NCK2: variants seen among roughly 807,000 people sequenced by gnomAD.
NCK2 encodes NCK adaptor protein 2.
In NCK2, 16 loss-of-function variants were observed where a neutral mutation model predicts 33.9. The ratio of observed to expected loss-of-function variants is 0.47; its 90% CI spans 0.32 to 0.72. The LOEUF (loss-of-function observed/expected upper bound fraction) is 0.72, where lower values mean the gene tolerates loss of function less well. NCK2 is among the 30% of genes least tolerant of loss of function. The pLI is 0.03. For missense variants in NCK2, 418 were observed against 537.3 expected, an observed-to-expected ratio of 0.78 and a Z score of 2.19; for synonymous variants, 273 against 239.9, an observed-to-expected ratio of 1.14 and a Z score of -1.27.
At chr2:105,823,900 T>A (rs1432426074) in intron 2 of NCK2, among the ~76,000 whole-genome samples, 2 of 152,158 alleles carry the variant, frequency 1.3e-5, no homozygotes, top group East Asian at 3.9e-4. Context: ...AAACGCCTTG[T>A]TCCGTGACCT....
At chr2:105,838,436 G>T (rs1370376026) in intron 2 of NCK2, among the ~76,000 whole-genome samples, 1 of 151,822 alleles carries the variant, frequency 6.6e-6, no homozygotes, top group South Asian at 2.1e-4. Context: ...AGAATTGGAA[G>T]ATTCACTCTT....
At chr2:105,865,589 G>C (rs912357779) in intron 3 of NCK2, among the ~76,000 whole-genome samples, 1 of 152,164 alleles carries the variant, frequency 6.6e-6, no homozygotes, top group Non-Finnish European at 1.5e-5. Context: ...GTTCTGCCTG[G>C]ACCCTAGGGA....
chr2:105,885,326 A>C (rs1380697982), intron 4 of NCK2, among the ~76,000 whole-genome samples: 1 of 152,070 alleles, frequency 6.6e-6, no homozygotes, highest in Non-Finnish European at 1.5e-5. Flanking sequence ...GTAGAGAAAA[A>C]CTGTCTCGCT....
chr2:105,748,440 A>G (rs1160488002), intron 1 of NCK2, among the ~76,000 whole-genome samples: 1 of 152,080 alleles, frequency 6.6e-6, no homozygotes, highest in African/African-American at 2.4e-5. Flanking sequence ...GCTGGAGTAC[A>G]GTAGCATGAT....
rs553404422 is a variant in NCK2, at chr2:105,870,418, C to T, written c.227-10910C>T. 2.1e-4 allele frequency among the ~76,000 whole-genome samples: 32 copies of T among 152,254 alleles called. No individual in the cohort carries two copies. In the South Asian group the frequency reaches 6.0e-3, roughly 29 times the overall value. On this transcript the variant is annotated intron_variant, in intron 3 of 4. Transcript: ENST00000233154. ...TCCTGAACTTGGGGATTTTGAATGGCGCACAGTAGAATGTTTCATTATGGG... is the reference window on the plus strand; with the variant it reads ...TCCTGAACTTGGGGATTTTGAATGGTGCACAGTAGAATGTTTCATTATGGG...
In NCK2 at chr2:105,881,750, G is replaced by C; in HGVS notation, c.649G>C (p.Glu217Gln). Residue 217 changes from glutamate (E) to glutamine (Q), a missense_variant, in exon 4 of 5, where the codon GAG (glutamate) becomes CAG (glutamine). By Grantham distance (29) the Glu-to-Gln change is conservative. Transcript: ENST00000233154. ...SSVTEEELNF[E>Q]KGETMEVIEK... Reference sequence around the variant, plus strand: ...AGTCACCGAGGAGGAGCTCAACTTCGAGAAGGGGGAGACCATGGAGGTGAT... The same window carrying C: ...AGTCACCGAGGAGGAGCTCAACTTCCAGAAGGGGGAGACCATGGAGGTGAT... 1 of 1,614,232 alleles carries C rather than the reference G, an allele frequency of 6.2e-7. No individual in the cohort carries two copies. The highest frequency in any genetic ancestry group is 8.5e-7 in the Non-Finnish European group (1 of 1,180,034).
chr2:105,756,841 G>T (rs1689611683), intron 1 of NCK2, among the ~76,000 whole-genome samples: 1 of 152,164 alleles, frequency 6.6e-6, no homozygotes, highest in Non-Finnish European at 1.5e-5. Flanking sequence ...TTTCGCTCTT[G>T]TCACCCAGGC....
intron 1 of NCK2, among the ~76,000 whole-genome samples, chr2:105,780,322 A>G (rs888949127): frequency 1.3e-4 from 14 of 105,132 alleles, no homozygotes; most frequent in East Asian, 8.2e-4. Context: ...GGAGAGAGAT[A>G]TATACACACA....
At chr2:105,872,833 G>A (rs1213154007) in intron 3 of NCK2, among the ~76,000 whole-genome samples, 5 of 152,350 alleles carry the variant, frequency 3.3e-5, no homozygotes, top group Admixed American at 6.5e-5. Flanking sequence ...AGTCAGAAAT[G>A]ATTCGGAGAA....
chr2:105,765,638 A>G (rs970621651), intron 1 of NCK2, among the ~76,000 whole-genome samples: 2 of 151,070 alleles, frequency 1.3e-5, no homozygotes, highest in Non-Finnish European at 3.0e-5. Context: ...TCGCTGGCTA[A>G]AACAGAGACA....
In NCK2 at chr2:105,799,318, T is replaced by A. The variant is rs140308288; in HGVS notation, c.-200-17112T>A. Among the ~76,000 whole-genome samples the A allele has an allele frequency of 5.8e-3, 876 of 152,334 alleles. 5 individuals are homozygous for A. Among genetic ancestry groups the A allele is most frequent in the Middle Eastern group, 0.024 (7 of 294 alleles). ...AGGGTTATAAAGGGTGTTTTCCATA[T>A]GTCCTTCTATACTTTTACTTTTTCA... On this transcript the variant is annotated intron_variant, in intron 1 of 4. Transcript: ENST00000233154.
At chr2:105,834,435 T>A (rs1239665195) in intron 2 of NCK2, among the ~76,000 whole-genome samples, 4 of 152,242 alleles carry the variant, frequency 2.6e-5, no homozygotes, top group South Asian at 2.1e-4. Context: ...CTATTTTATC[T>A]AAATTATATT....
chr2:105,865,936 CAG>C (rs1294782879), intron 3 of NCK2, among the ~76,000 whole-genome samples: 1 of 118,930 alleles, frequency 8.4e-6, no homozygotes, highest in Non-Finnish European at 1.9e-5. Flanking sequence ...TTATTTGAGA[CAG>C]AGTTTCATTC....
chr2:105,786,856 A>AGCCTTAGGCCTTAG (rs3073525), intron 1 of NCK2, among the ~76,000 whole-genome samples: 35,151 of 152,016 alleles, frequency 0.23, 5,511 homozygotes, highest in African/African-American at 0.43. Context: ...CTCCCACCCT[A>AGCCTTAGGCCTTAG]GCCTTAGGCT....
At chr2:105,775,142 A>G (rs1429473962) in intron 1 of NCK2, among the ~76,000 whole-genome samples, 1 of 152,192 alleles carries the variant, frequency 6.6e-6, no homozygotes, top group Admixed American at 6.5e-5. Flanking sequence ...AAAAAATAGT[A>G]ATAAGTGGTA....
intron 2 of NCK2, among the ~76,000 whole-genome samples, chr2:105,838,590 G>T (rs1344170409): frequency 6.6e-6 from 1 of 152,118 alleles, no homozygotes; most frequent in Non-Finnish European, 1.5e-5. Flanking sequence ...CCCTTATTAT[G>T]TAGAATAACA....
chr2:105,781,768 C>T (rs934206224), intron 1 of NCK2, among the ~76,000 whole-genome samples: 10 of 152,188 alleles, frequency 6.6e-5, no homozygotes, highest in African/African-American at 1.2e-4. Context: ...GTCGCCTCTC[C>T]GCAGTACGAA....
intron 1 of NCK2, among the ~76,000 whole-genome samples, chr2:105,776,216 G>A (rs765542463): frequency 6.6e-6 from 1 of 152,188 alleles, no homozygotes; most frequent in Admixed American, 6.5e-5. Context: ...CCTGGGTGGG[G>A]ACACCCCAAC....
intron 1 of NCK2, among the ~76,000 whole-genome samples, chr2:105,791,700 A>G (rs562120930): frequency 3.0e-4 from 45 of 152,312 alleles, no homozygotes; most frequent in African/African-American, 9.6e-4. Context: ...CTACTTGACA[A>G]TTCAGGCAAA....
Sources: allele counts gnomAD v4.1 joint callset (sites outside exome capture counted in the v4.1 genomes callset), GRCh38; gene constraint gnomAD v4.1.1; transcripts MANE v1.5; gene names NCBI Gene and HGNC (gene_info 2026-07-23, HGNC 2026-07-21).